Variants in OCRL observed in about 807,000 individuals in gnomAD.
The protein encoded by OCRL is inositol polyphosphate 5-phosphatase OCRL.
In OCRL, 8 loss-of-function variants were observed where a neutral mutation model predicts 78.9. The observed-to-expected ratio is 0.10, with a 90% CI of 0.06 to 0.18. The LOEUF (loss-of-function observed/expected upper bound fraction) is 0.18, where lower values mean the gene tolerates loss of function less well. Among genes scored for constraint, OCRL ranks in the 10% least tolerant of loss-of-function variants. The pLI, the probability that OCRL is intolerant of heterozygous loss-of-function variation, is 1.00. For synonymous variants in OCRL, 240 were observed against 235.4 expected (o/e 1.02, Z -0.18); for missense variants, 454 against 696.7 (o/e 0.65, Z 3.92).
intron 18 of OCRL, among the ~76,000 whole-genome samples, chrX:129,582,157 C>T (rs972887061): frequency 1.8e-5 from 2 of 110,929 alleles, no homozygotes; most frequent in Non-Finnish European, 3.8e-5. Context: ...GTCTCTGTGC[C>T]TTTTGTTTAT....
intron 18 of OCRL, among the ~76,000 whole-genome samples, chrX:129,578,669 A>G (rs759187691): frequency 3.6e-5 from 4 of 111,066 alleles, no homozygotes; most frequent in Non-Finnish European, 7.6e-5. Flanking sequence ...TATTTTATGT[A>G]AAGTATACTA....
In OCRL at chrX:129,540,277, T is replaced by TCAGCTCC. The variant is rs1162964212; in HGVS notation, c.-154_-148dup. 8.5e-5 allele frequency: 48 copies of TCAGCTCC among 567,618 alleles called. No individual in the cohort carries two copies. Among genetic ancestry groups the TCAGCTCC allele is most frequent in the Non-Finnish European group, 1.1e-4 (38 of 349,384 alleles). 46.8% of individuals were successfully genotyped at this position (567,618 alleles called of 1,213,427 possible). A position where few individuals can be genotyped will look rare whatever the true frequency, so the allele number is the denominator to read the frequency against. Reference sequence around the variant, plus strand: ...CGCCGCTCTCTCTTGGGTCAGATTCTCAGCTCCCAGCTCCCCGCTCCCGGC... The same window carrying TCAGCTCC: ...CGCCGCTCTCTCTTGGGTCAGATTCTCAGCTCCCAGCTCCCAGCTCCCCGCTCCCGGC... On this transcript the variant is annotated 5_prime_UTR_variant, in exon 1 of 24. Coordinates refer to ENST00000371113, the MANE Select transcript of OCRL (RefSeq NM_000276.4).
chrX:129,564,878 A>G (rs187734483), intron 12 of OCRL, among the ~76,000 whole-genome samples: 209 of 111,563 alleles, frequency 1.9e-3, no homozygotes, highest in African/African-American at 6.6e-3. Flanking sequence ...ATAAAATAAA[A>G]TTTAAAAAAT....
chrX:129,589,999 T>A (rs372988436), intron 23 of OCRL, 43 bp downstream of exon 23: 964 of 1,128,628 alleles, frequency 8.5e-4, no homozygotes, highest in Non-Finnish European at 1.0e-3. Context: ...TTGAGAATAC[T>A]CTTAGTGCAT....
intron 5 of OCRL, 129 bp downstream of exon 5, chrX:129,557,564 T>C: frequency 3.2e-6 from 2 of 623,755 alleles, no homozygotes; most frequent in Non-Finnish European, 5.2e-6. Context: ...GATTTTTTTT[T>C]CTTCAGGAGT....
At chrX:129,547,331 C>T (rs1935895810) in intron 3 of OCRL, among the ~76,000 whole-genome samples, 1 of 109,829 alleles carries the variant, frequency 9.1e-6, no homozygotes, top group South Asian at 3.9e-4. Flanking sequence ...TGAGACCATC[C>T]TGGCTAACAC....
intron 21 of OCRL, among the ~76,000 whole-genome samples, chrX:129,588,552 C>T (rs1936545496): frequency 9.0e-6 from 1 of 111,356 alleles, no homozygotes; most frequent in Non-Finnish European, 1.9e-5. Context: ...ATCAGTCACT[C>T]CTGCCACCAC....
In OCRL at chrX:129,561,201, A is replaced by C; in HGVS notation, c.847A>C (p.Thr283Pro). The change falls in exon 10 of 24, where the codon ACA (threonine) becomes CCA (proline). Residue 283 changes from threonine (T) to proline (P), a missense_variant. Coordinates refer to ENST00000371113, the MANE Select transcript of OCRL (RefSeq NM_000276.4). ...CAGATTCCAAGAACTGGACTTGAGC[A>C]CAGAAGCCTTCTTCTACTTTGAATC... ...CIGFQELDLSTEAFFYFESVK... is the reference protein window; with the variant it reads ...CIGFQELDLSPEAFFYFESVK... 1 of 1,205,703 alleles carries C rather than the reference A, an allele frequency of 8.3e-7. No homozygotes were observed. The highest frequency in any genetic ancestry group is 1.1e-6 in the Non-Finnish European group (1 of 889,919).
Position 129,558,935 on chromosome X carries a change from G to A in OCRL, c.656G>A (p.Arg219Gln), listed in dbSNP as rs1305100597. ...GTACCAAATACCCAATCTGGGCAGC[G>A]GGAGGGTCTCATCAAACATATCCTG... is the stretch of plus-strand genomic sequence containing the variant. ...LFVPNTQSGQ[R>Q]EGLIKHILAK... is the part of the protein sequence containing the mutation. The change falls in exon 8 of 24, where the codon CGG becomes CAG. Residue 219 changes from arginine (R) to glutamine (Q), a missense_variant. Physicochemically the swap from Arg to Gln is conservative, Grantham distance 43 (BLOSUM62 1). Around this residue, in one of 2 missense-constraint regions of OCRL, gnomAD observed 177 missense variants for 179.6 expected, o/e 0.99. Coordinates refer to ENST00000371113, the MANE Select transcript of OCRL (RefSeq NM_000276.4). The A allele has an allele frequency of 5.8e-6, 7 of 1,209,692 alleles. No homozygotes were observed. The highest frequency in any genetic ancestry group is 3.5e-5 in the African/African-American group (2 of 57,190).
chrX:129,541,831 A>G (rs1409995911), intron 2 of OCRL, among the ~76,000 whole-genome samples: 3 of 111,970 alleles, frequency 2.7e-5, no homozygotes, highest in African/African-American at 9.8e-5. Context: ...CACTGGCCCA[A>G]CCTGCTCTTC....
chrX:129,584,671 G>C (rs2081268478), intron 19 of OCRL, among the ~76,000 whole-genome samples: 1 of 112,049 alleles, frequency 8.9e-6, no homozygotes, highest in African/African-American at 3.2e-5. Context: ...TGAATTGGAG[G>C]GGGGTACCAG....
At chrX:129,566,134 G>C (rs1416515886) in intron 13 of OCRL, among the ~76,000 whole-genome samples, 2 of 112,270 alleles carry the variant, frequency 1.8e-5, no homozygotes, top group African/African-American at 6.5e-5. Flanking sequence ...TTATCATTAA[G>C]AGATTTCAGA....
intron 15 of OCRL, among the ~76,000 whole-genome samples, chrX:129,573,379 C>A (rs1042055518): frequency 9.0e-6 from 1 of 111,050 alleles, no homozygotes; most frequent in Non-Finnish European, 1.9e-5. Context: ...CTCTCCTTCC[C>A]CTCGCCCCAC....
intron 18 of OCRL, among the ~76,000 whole-genome samples, chrX:129,583,018 TG>T (rs1176879261): frequency 1.8e-5 from 2 of 112,060 alleles, no homozygotes; most frequent in Non-Finnish European, 3.8e-5. Context: ...TGGGAGTCAC[TG>T]GGGAGGTATG....
At position 129,576,308 on chromosome X, in the gene OCRL, A is replaced by G; in HGVS notation, c.1880-9A>G. On this transcript the variant is annotated splice_polypyrimidine_tract_variant and intron_variant, in intron 17 of 23. Transcript: ENST00000371113. ...TTCCTATTACCATGTATCATCTCTT[A>G]CATTTCAGATGAGACAGTGGACATT... 8.4e-7 allele frequency: 1 copy of G among 1,191,302 alleles called. No individual in the cohort carries two copies.
At chrX:129,565,721 T>G in intron 12 of OCRL, 51 bp from the exon 13 acceptor site, 1 of 962,547 alleles carries the variant, frequency 1.0e-6, no homozygotes. Flanking sequence ...TCCTTCTCTG[T>G]TTTTTTTATG....
At chrX:129,589,246 T>G (rs1038550579) in intron 22 of OCRL, 2 of 410,147 alleles carry the variant, frequency 4.9e-6, no homozygotes, top group African/African-American at 2.5e-5. Flanking sequence ...GAAAACATAG[T>G]GGGGTGGATC....
chrX:129,588,782 A>C, intron 21 of OCRL, 104 bp from the exon 22 acceptor site: 1 of 965,159 alleles, frequency 1.0e-6, no homozygotes, highest in South Asian at 1.9e-5. Context: ...GCCCTGAATA[A>C]GAGGAGGGAA....
Position 129,589,904 on chromosome X carries a change from T to C in OCRL, c.2529T>C (p.Leu843=), listed in dbSNP as rs1936565152. 1.7e-6 allele frequency: 2 copies of C among 1,208,986 alleles called. No homozygotes were observed. Among genetic ancestry groups the C allele is most frequent in the Non-Finnish European group, 2.2e-6 (2 of 894,103 alleles). Residue 843 remains leucine (L), a synonymous_variant, in exon 23 of 24, where the codon CTT becomes CTC. Transcript: ENST00000371113. ...TTTTCCGTTACTTGATGGCATTCCT[T>C]CGAGAACTCTTAAAATTCTCTGAAT... ...RNVFRYLMAF[L]RELLKFSEYN... is the part of the protein sequence containing the mutation.
Sources: allele counts gnomAD v4.1 joint callset (sites outside exome capture counted in the v4.1 genomes callset), GRCh38; gene constraint gnomAD v4.1.1; regional missense constraint gnomAD v4.1.1; transcripts MANE v1.5; gene names NCBI Gene and HGNC (gene_info 2026-07-23, HGNC 2026-07-21).